ANKRD11: variants seen among roughly 807,000 people sequenced by gnomAD.
ANKRD11 encodes ankyrin repeat domain 11.
In ANKRD11, 17 loss-of-function variants were observed where a neutral mutation model predicts 195.7. The ratio of observed to expected loss-of-function variants is 0.09; its 90% CI spans 0.06 to 0.13. The LOEUF is 0.13. Ranked by LOEUF, ANKRD11 falls within the 10% of genes least tolerant of loss-of-function variation. ANKRD11 has a pLI of 1.00. For synonymous variants in ANKRD11, 1,953 were observed against 1,528.1 expected (o/e 1.28, Z -6.49); for missense variants, 3,735 against 3,566.1 (o/e 1.05, Z -1.21).
In ANKRD11 at chr16:89,398,253, A is replaced by G. The variant is rs543254178; in HGVS notation, c.-60+20031T>C. Among the ~76,000 whole-genome samples the G allele has an allele frequency of 6.4e-3, 918 of 143,302 alleles. 6 individuals carry two copies. The highest frequency in any genetic ancestry group is 0.024 in the African/African-American group (838 of 35,168). 94.0% of individuals were successfully genotyped at this position (143,302 alleles called of 152,430 possible). A position where few individuals can be genotyped will look rare whatever the true frequency, so the allele number is the denominator to read the frequency against. ...ACTCTGGGAGGCTGACATGAGGGACACTGTGAAACAGGTGAAGATTACCTG... is the reference window on the plus strand; with the variant it reads ...ACTCTGGGAGGCTGACATGAGGGACGCTGTGAAACAGGTGAAGATTACCTG... On this transcript the variant is annotated intron_variant, in intron 2 of 12. Transcript: ENST00000301030.
chr16:89,462,740 G>C (rs1386549781), intron 1 of ANKRD11, among the ~76,000 whole-genome samples: 1 of 150,910 alleles, frequency 6.6e-6, no homozygotes, highest in African/African-American at 2.4e-5. Flanking sequence ...GGGATGTGAG[G>C]AGCACCTCTG....
intron 9 of ANKRD11, among the ~76,000 whole-genome samples, chr16:89,276,814 T>C (rs191246101): frequency 6.6e-6 from 1 of 152,190 alleles, no homozygotes; most frequent in Admixed American, 6.5e-5. Flanking sequence ...TCCCAGCACT[T>C]TGGGAGGCTG....
chr16:89,308,823 G>T (rs1321837594), intron 3 of ANKRD11, among the ~76,000 whole-genome samples: 1 of 152,218 alleles, frequency 6.6e-6, no homozygotes, highest in Non-Finnish European at 1.5e-5. Context: ...CACACCATGA[G>T]AACGGGGACG....
At chr16:89,304,257 C>T (rs1257630987) in intron 4 of ANKRD11, among the ~76,000 whole-genome samples, 1 of 152,206 alleles carries the variant, frequency 6.6e-6, no homozygotes, top group Non-Finnish European at 1.5e-5. Context: ...CATGAACACA[C>T]ATGGGCTTGC....
chr16:89,447,670 T>C (rs536075974), intron 1 of ANKRD11, among the ~76,000 whole-genome samples: 3 of 152,232 alleles, frequency 2.0e-5, no homozygotes, highest in African/African-American at 7.2e-5. Flanking sequence ...GAACACTGCA[T>C]CCGGACACGC....
intron 1 of ANKRD11, among the ~76,000 whole-genome samples, chr16:89,463,160 C>T (rs1185573227): frequency 6.6e-6 from 1 of 152,202 alleles, no homozygotes; most frequent in Non-Finnish European, 1.5e-5. Context: ...GCCACCACCC[C>T]GTCTGGGAGG....
At chr16:89,341,873 G>A (rs142166771) in intron 2 of ANKRD11, among the ~76,000 whole-genome samples, 4,992 of 121,964 alleles carry the variant, frequency 0.041, 325 homozygotes, top group East Asian at 0.22. Flanking sequence ...CAGCGGCCAC[G>A]GCCCACGGCA....
intron 2 of ANKRD11, among the ~76,000 whole-genome samples, chr16:89,382,546 C>T (rs2040707521): frequency 6.6e-6 from 1 of 151,880 alleles, no homozygotes; most frequent in African/African-American, 2.4e-5. Context: ...AGGCTGGTCT[C>T]GAACTCCTGA....
At chr16:89,426,566 C>CACACAG (rs3219947) in intron 1 of ANKRD11, among the ~76,000 whole-genome samples, 1 of 151,296 alleles carries the variant, frequency 6.6e-6, no homozygotes, top group East Asian at 1.9e-4. Flanking sequence ...CACACACACA[C>CACACAG]AAATCTGAAA....
chr16:89,271,344 T>C, intron 11 of ANKRD11: 1 of 281,720 alleles, frequency 3.5e-6, no homozygotes, highest in Admixed American at 5.0e-5. Context: ...TTCAAGCGAT[T>C]CTCCTGCTTC....
At chr16:89,301,529 T>G (rs1037565779) in intron 4 of ANKRD11, 2 of 398,614 alleles carry the variant, frequency 5.0e-6, no homozygotes, top group South Asian at 1.3e-4. Flanking sequence ...GAGGGCTCGG[T>G]GGGCAGAGCT....
chr16:89,420,186 C>G (rs911115923), intron 1 of ANKRD11: 2 of 152,146 alleles, frequency 1.3e-5, no homozygotes, highest in African/African-American at 4.8e-5. Context: ...CGAAGCTTTC[C>G]GTAAAAGAGC....
At position 89,284,819 on chromosome 16, in the gene ANKRD11, T is replaced by C. The variant is rs2151763038; in HGVS notation, c.1723A>G (p.Ser575Gly). 1 of 1,613,898 alleles carries C rather than the reference T, an allele frequency of 6.2e-7. No homozygotes were observed. Among genetic ancestry groups the C allele is most frequent in the Non-Finnish European group, 8.5e-7 (1 of 1,180,042 alleles). Residue 575 changes from serine to glycine, a missense_variant, in exon 9 of 13, where the codon AGC becomes GGC. Ser to Gly is a moderately conservative substitution (Grantham distance 56). Coordinates refer to ENST00000301030, the MANE Select transcript of ANKRD11 (RefSeq NM_013275.6). ...CCCTCAGAGGAGTAGTCAGACTCGC[T>C]TGTCAGTCTCGTCCTTGTGGAGTCT... The part of the protein sequence containing the change: ...LSDSTRTRLT[S>G]ESDYSSEGSS...
Position 89,282,900 on chromosome 16 carries a change from T to C in ANKRD11, c.3642A>G (p.Thr1214=). 6.2e-7 allele frequency: 1 copy of C among 1,613,322 alleles called. No homozygotes were observed. Among genetic ancestry groups the C allele is most frequent in the African/African-American group, 1.3e-5 (1 of 75,002 alleles). The change falls in exon 9 of 13, where the codon ACA becomes ACG. Residue 1214 remains threonine (T), a synonymous_variant. Transcript: ENST00000301030. ...KHKEKKDKES[T]EKYKDRKDRA... The stretch of plus-strand genomic sequence containing the variant: ...TGTCCTTCCTGTCCTTGTACTTTTC[T>C]GTGGACTCTTTATCCTTCTTCTCCT...
chr16:89,459,765 T>C (rs915383701), intron 1 of ANKRD11, among the ~76,000 whole-genome samples: 3 of 151,950 alleles, frequency 2.0e-5, no homozygotes, highest in African/African-American at 7.3e-5. Context: ...ACCAGCCCCA[T>C]GTCTACAAAC....
In ANKRD11 at chr16:89,288,678, C is replaced by A; in HGVS notation, c.602-8G>T. ...CGTGCAGCGCCGTCCAGCCTGGAAA[C>A]AGACACTCAGGACGTACGTTATTTA... On this transcript the variant is annotated splice_region_variant and splice_polypyrimidine_tract_variant and intron_variant, in intron 6 of 12. Transcript: ENST00000301030. 2 of 1,614,034 alleles carry A rather than the reference C, an allele frequency of 1.2e-6. No individual in the cohort carries two copies. The highest frequency in any genetic ancestry group is 1.7e-6 in the Non-Finnish European group (2 of 1,180,044).
intron 1 of ANKRD11, among the ~76,000 whole-genome samples, chr16:89,431,878 C>T (rs957466884): frequency 9.2e-5 from 14 of 152,122 alleles, no homozygotes; most frequent in Admixed American, 5.2e-4. Context: ...TTCCTGTATC[C>T]CCTGCCTTGC....
Position 89,279,243 on chromosome 16 carries a change from G to C in ANKRD11, c.7299C>G (p.Asp2433Glu). Residue 2433 changes from aspartate to glutamate, a missense_variant, in exon 9 of 13, where the codon GAC becomes GAG. Transcript: ENST00000301030. This position sits in a 1 kb window ranked among gnomAD's most constrained non-coding sequence, Gnocchi z 5.6. ...KLDAIEPYHS[D>E]RANPYFEYLQ... ...GGTATTCGAAGTAGGGGTTGGCCCT[G>C]TCGCTGTGGTAGGGCTCGATGGCAT... 4 of 1,611,842 alleles carry C rather than the reference G, an allele frequency of 2.5e-6. No homozygotes were observed. The highest frequency in any genetic ancestry group is 3.4e-6 in the Non-Finnish European group (4 of 1,179,602).
At chr16:89,358,605 AAAT>A (rs1340025160) in intron 2 of ANKRD11, among the ~76,000 whole-genome samples, 1 of 152,186 alleles carries the variant, frequency 6.6e-6, no homozygotes, top group Non-Finnish European at 1.5e-5. Flanking sequence ...AAAACTTTAA[AAAT>A]AATAATTAAT....
Sources: allele counts gnomAD v4.1 joint callset (sites outside exome capture counted in the v4.1 genomes callset), GRCh38; gene constraint gnomAD v4.1.1; non-coding constraint Gnocchi (gnomAD v3.1); transcripts MANE v1.5; gene names NCBI Gene and HGNC (gene_info 2026-07-23, HGNC 2026-07-21).